PPEF1: variants seen among roughly 807,000 people sequenced by gnomAD.
PPEF1 encodes the protein protein phosphatase with EF-hand domain 1, also known as serine/threonine-protein phosphatase with EF-hands 1.
In PPEF1, 12 loss-of-function variants were observed where a neutral mutation model predicts 53.3. The ratio of observed to expected loss-of-function variants is 0.23; its 90% CI spans 0.14 to 0.36. The LOEUF is 0.36. PPEF1 is among the 10% of genes least tolerant of loss of function. The pLI, the probability that PPEF1 is intolerant of heterozygous loss-of-function variation, is 1.00. For synonymous variants in PPEF1, 165 were observed against 176.7 expected (o/e 0.93, Z 0.52); for missense variants, 334 against 490.4 (o/e 0.68, Z 3.01).
intron 12 of PPEF1, among the ~76,000 whole-genome samples, chrX:18,810,377 C>T (rs186208942): frequency 1.6e-4 from 18 of 110,597 alleles, no homozygotes; most frequent in African/African-American, 5.6e-4. Flanking sequence ...TTAACAGCTA[C>T]GTTGAGATGT....
intron 2 of PPEF1, among the ~76,000 whole-genome samples, chrX:18,685,813 G>A (rs1049553813): frequency 9.0e-6 from 1 of 111,287 alleles, no homozygotes; most frequent in African/African-American, 3.3e-5. Context: ...CTGCTTCTGG[G>A]CTCAGCGTTC....
At chrX:18,820,251 A>T (rs191786166) in intron 13 of PPEF1, among the ~76,000 whole-genome samples, 29 of 112,091 alleles carry the variant, frequency 2.6e-4, no homozygotes, top group Admixed American at 2.4e-3. Flanking sequence ...GTACTTATTC[A>T]TATAGCTTCA....
intron 1 of PPEF1, among the ~76,000 whole-genome samples, chrX:18,718,680 T>G (rs982978801): frequency 8.9e-6 from 1 of 112,235 alleles, no homozygotes; most frequent in African/African-American, 3.2e-5. Flanking sequence ...TTTACTGGCT[T>G]CCAGCTTTAC....
chrX:18,789,066 C>G, intron 9 of PPEF1, 55 bp from the exon 10 acceptor site: 1 of 1,171,799 alleles, frequency 8.5e-7, no homozygotes, highest in Non-Finnish European at 1.2e-6. Context: ...ACTGAAGTCT[C>G]TGTATGTGGC....
chrX:18,678,482 C>CCACTT (rs1381665523), upstream of PPEF1, among the ~76,000 whole-genome samples: 1 of 111,069 alleles, frequency 9.0e-6, no homozygotes, highest in Non-Finnish European at 1.9e-5. Flanking sequence ...GCTCTTAATT[C>CCACTT]CACTTCCACC....
intron 7 of PPEF1, 36 bp downstream of exon 7, chrX:18,779,212 T>C: frequency 8.9e-7 from 1 of 1,126,202 alleles, no homozygotes; most frequent in African/African-American, 1.8e-5. Flanking sequence ...TTTTAAAAGT[T>C]TCGCACTCTG....
intron 1 of PPEF1, among the ~76,000 whole-genome samples, chrX:18,720,030 C>G (rs762274637): frequency 1.5e-4 from 17 of 111,706 alleles, no homozygotes; most frequent in Non-Finnish European, 2.6e-4. Context: ...TTCTGATGTC[C>G]TAATGCACTG....
At chrX:18,743,725 A>G (rs1311960683) in intron 3 of PPEF1, among the ~76,000 whole-genome samples, 1 of 109,831 alleles carries the variant, frequency 9.1e-6, no homozygotes, top group East Asian at 2.9e-4. Flanking sequence ...CTGGGATTAC[A>G]GGCATGAGCC....
At chrX:18,687,670 T>C (rs992034635) in intron 3 of PPEF1, among the ~76,000 whole-genome samples, 1 of 103,984 alleles carries the variant, frequency 9.6e-6, no homozygotes, top group Non-Finnish European at 1.9e-5. Context: ...TAAATTATTC[T>C]CTTTAAATAT....
In PPEF1 at chrX:18,792,897, C is replaced by T. The variant is rs140620803; in HGVS notation, c.1065+3624C>T. On this transcript the variant is annotated intron_variant, in intron 10 of 15. Coordinates refer to ENST00000470157, the MANE Select transcript of PPEF1 (RefSeq NM_001377996.1). ...AGGATTCCATTGGTTACTTGGGGTA[C>T]ACCCTATGTAAATGCAGAGTTTGAA... 4.4e-3 allele frequency among the ~76,000 whole-genome samples: 488 copies of T among 111,360 alleles called. 2 individuals carry two copies. The highest frequency in any genetic ancestry group is 0.015 in the African/African-American group (460 of 30,685).
intron 3 of PPEF1, among the ~76,000 whole-genome samples, chrX:18,740,085 G>A (rs945535879): frequency 1.8e-5 from 2 of 112,366 alleles, no homozygotes; most frequent in Non-Finnish European, 3.8e-5. Context: ...GCCCTTCCTG[G>A]GTGAGGCGAT....
intron 6 of PPEF1, among the ~76,000 whole-genome samples, chrX:18,773,847 T>C (rs771993264): frequency 3.6e-4 from 40 of 111,618 alleles, no homozygotes; most frequent in African/African-American, 1.3e-3. Flanking sequence ...GAGCATTTTA[T>C]TTTTCTCTTC....
chrX:18,808,913 C>T (rs1056659893), intron 12 of PPEF1, among the ~76,000 whole-genome samples: 33 of 111,168 alleles, frequency 3.0e-4, no homozygotes, highest in African/African-American at 1.0e-3. Flanking sequence ...GGGTATATAT[C>T]CAAAGGAAAT....
At chrX:18,710,643 C>T (rs746190564) in intron 1 of PPEF1, among the ~76,000 whole-genome samples, 13 of 111,221 alleles carry the variant, frequency 1.2e-4, no homozygotes, top group Non-Finnish European at 2.3e-4. Context: ...CCTTACATAC[C>T]GGTCAGAATG....
intron 6 of PPEF1, among the ~76,000 whole-genome samples, chrX:18,774,581 GT>G (rs1259122025): frequency 1.8e-5 from 2 of 112,161 alleles, no homozygotes; most frequent in Non-Finnish European, 3.8e-5. Context: ...CATGTTTGCT[GT>G]TTTTGTGATG....
At chrX:18,692,894 A>G (rs1335263059) in intron 4 of PPEF1, among the ~76,000 whole-genome samples, 2 of 111,872 alleles carry the variant, frequency 1.8e-5, no homozygotes, top group African/African-American at 6.5e-5. Context: ...CAGCTCTGAT[A>G]TTGGGATGTG....
At chrX:18,790,442 G>C (rs1331179623) in intron 10 of PPEF1, among the ~76,000 whole-genome samples, 1 of 111,353 alleles carries the variant, frequency 9.0e-6, no homozygotes, top group Non-Finnish European at 1.9e-5. Context: ...CAGTACAGCA[G>C]TTTTTAATTT....
chrX:18,754,048 G>T (rs1365744190), intron 4 of PPEF1, among the ~76,000 whole-genome samples: 1 of 72,616 alleles, frequency 1.4e-5, no homozygotes, highest in Non-Finnish European at 3.1e-5. Context: ...CACCAGGAGC[G>T]ATTTAAAAAA....
At chrX:18,720,262 A>G (rs1373852803) in intron 1 of PPEF1, among the ~76,000 whole-genome samples, 1 of 111,315 alleles carries the variant, frequency 9.0e-6, no homozygotes, top group Non-Finnish European at 1.9e-5. Context: ...GAGACTAGTT[A>G]TTAACAATTA....
Sources: allele counts gnomAD v4.1 joint callset (sites outside exome capture counted in the v4.1 genomes callset), GRCh38; gene constraint gnomAD v4.1.1; transcripts MANE v1.5; gene names NCBI Gene and HGNC (gene_info 2026-07-23, HGNC 2026-07-21).